The following ABHD18 variants were observed in gnomAD, a reference collection of about 807,000 sequenced individuals.
ABHD18 encodes the protein abhydrolase domain containing 18.
ABHD18 carries 55 observed loss-of-function variants against 65.9 expected under a neutral mutation model. That is an observed-to-expected ratio of 0.84 (90% confidence interval 0.67 to 1.05). ABHD18 has a LOEUF of 1.05. Ranked by LOEUF, ABHD18 falls within the 50% of genes least tolerant of loss-of-function variation. The probability of loss-of-function intolerance (pLI) is 0.00; values close to 1 mark genes in which losing one functional copy is unlikely to be tolerated. For missense variants in ABHD18, 533 were observed against 558.5 expected, an observed-to-expected ratio of 0.95 and a Z score of 0.46; for synonymous variants, 181 against 180.2, an observed-to-expected ratio of 1.00 and a Z score of -0.04.
intron 4 of ABHD18, among the ~76,000 whole-genome samples, chr4:127,990,474 G>C (rs1334136020): frequency 6.6e-6 from 1 of 152,136 alleles, no homozygotes; most frequent in Non-Finnish European, 1.5e-5. Context: ...TGAGGCAGGA[G>C]CATCTATTGA....
At chr4:128,012,725 C>T (rs780728347) in intron 7 of ABHD18, among the ~76,000 whole-genome samples, 8 of 151,752 alleles carry the variant, frequency 5.3e-5, no homozygotes, top group Non-Finnish European at 8.8e-5. Flanking sequence ...AAATGAAAAG[C>T]CCAATGTAAG....
At chr4:128,019,809 C>T (rs1238546399) in intron 8 of ABHD18, among the ~76,000 whole-genome samples, 1 of 152,166 alleles carries the variant, frequency 6.6e-6, no homozygotes, top group East Asian at 1.9e-4. Context: ...AGCATCTTTG[C>T]TCCATATTTA....
rs1758887119 is a variant in ABHD18 at position 128,036,451 on chromosome 4, G to A, written c.*638G>A. 1 of 152,128 alleles carries A rather than the reference G, an allele frequency of 6.6e-6. No homozygotes were observed. The highest frequency in any genetic ancestry group is 1.5e-5 in the Non-Finnish European group (1 of 68,058). The allele number at this position is 152,128 out of a possible 1,614,324, so 9.4% of individuals were successfully genotyped here. The stretch of plus-strand genomic sequence containing the variant: ...AGTGCTTTTAATAATCAAAGTGAGT[G>A]GCAGGGTGCGGTGGCTCACGCCTGT... On this transcript the variant is annotated 3_prime_UTR_variant, in exon 13 of 13. Transcript: ENST00000645843.
At chr4:128,007,026 T>C (rs533008213) in intron 4 of ABHD18, among the ~76,000 whole-genome samples, 1 of 152,284 alleles carries the variant, frequency 6.6e-6, no homozygotes, top group South Asian at 2.1e-4. Context: ...ATGCCTGTAA[T>C]CCCAGCTACT....
chr4:128,011,794 G>T, intron 7 of ABHD18, 94 bp downstream of exon 7: 3 of 465,398 alleles, frequency 6.4e-6, no homozygotes, highest in East Asian at 8.8e-5. Context: ...TTTCTAAATT[G>T]AATACCTAAA....
intron 2 of ABHD18, 26 bp from the exon 3 acceptor site, chr4:127,984,313 C>G: frequency 1.4e-6 from 2 of 1,437,212 alleles, no homozygotes; most frequent in Non-Finnish European, 1.9e-6. Flanking sequence ...TTAATTTTTT[C>G]CTTTTTGTCT....
intron 12 of ABHD18, 141 bp downstream of exon 12, chr4:128,030,813 CAG>C (rs1449757287): frequency 3.6e-6 from 5 of 1,387,838 alleles, no homozygotes; most frequent in Admixed American, 3.8e-5. Context: ...ACAAATCTCA[CAG>C]AGTTACTTTT....
Position 128,038,634 on chromosome 4 carries a change from TA to T in ABHD18, c.*2823del, listed in dbSNP as rs1449712862. On this transcript the variant is annotated 3_prime_UTR_variant, in exon 13 of 13. Transcript: ENST00000645843. Reference sequence around the variant, plus strand: ...GGCCGGGTGCAGTGGCTCACACCTGTAATCCCAGCACTTTGGGAGGCCGAGG... The same window carrying T: ...GGCCGGGTGCAGTGGCTCACACCTGTATCCCAGCACTTTGGGAGGCCGAGG... 6.6e-6 allele frequency: 1 copy of T among 152,190 alleles called. No individual in the cohort carries two copies. Among genetic ancestry groups the T allele is most frequent in the Non-Finnish European group, 1.5e-5 (1 of 68,044 alleles). 9.4% of individuals were successfully genotyped at this position (152,190 alleles called of 1,614,324 possible). A position where few individuals can be genotyped will look rare whatever the true frequency, so the allele number is the denominator to read the frequency against.
rs1030867632 is a variant in ABHD18 at position 128,024,967 on chromosome 4, C to A, written c.802-3508C>A. On this transcript the variant is annotated intron_variant, in intron 10 of 12. Coordinates refer to ENST00000645843, the MANE Select transcript of ABHD18 (RefSeq NM_001358451.3). ...TCGGCCTTCCAAAGTGCTGGTATTA[C>A]AGGCGTGAGCCACTGCGCCCGGCCA... Among the ~76,000 whole-genome samples, 7 of 152,242 alleles carry A rather than the reference C, an allele frequency of 4.6e-5. No homozygotes were observed. The South Asian group carries it at 1.0e-3, about 22-fold the overall frequency.
chr4:128,017,786 TG>T (rs1365606323), intron 8 of ABHD18, among the ~76,000 whole-genome samples: 4 of 152,238 alleles, frequency 2.6e-5, no homozygotes. Flanking sequence ...CCAATTTTGC[TG>T]TTACATTGGT....
In ABHD18 at chr4:127,968,085, T is replaced by G. The variant is rs1349319372; in HGVS notation, c.-18+2479T>G. 5.3e-5 allele frequency among the ~76,000 whole-genome samples: 8 copies of G among 152,296 alleles called. No individual in the cohort carries two copies. The East Asian group carries it at 9.7e-4, about 18-fold the overall frequency. ...GTAGCCGGGCGTGGTGACGGGCGCC[T>G]GTAGTCCCAGCTACTCGGAGAGGCT... On this transcript the variant is annotated intron_variant, in intron 1 of 12. Transcript: ENST00000645843.
At chr4:128,011,305 C>T (rs964865936) in intron 6 of ABHD18, among the ~76,000 whole-genome samples, 1 of 151,896 alleles carries the variant, frequency 6.6e-6, no homozygotes, top group African/African-American at 2.4e-5. Flanking sequence ...CCCGCCACCT[C>T]GCCCAGCTAA....
intron 10 of ABHD18, 82 bp from the exon 11 acceptor site, chr4:128,028,393 G>A: frequency 9.5e-7 from 1 of 1,056,672 alleles, no homozygotes; most frequent in East Asian, 2.8e-5. Flanking sequence ...ATGGACATTT[G>A]TCTTTTCTCT....
At chr4:128,010,116 A>T (rs1206272608) in intron 6 of ABHD18, among the ~76,000 whole-genome samples, 2 of 152,216 alleles carry the variant, frequency 1.3e-5, no homozygotes, top group Non-Finnish European at 2.9e-5. Context: ...TAGGTTATTG[A>T]GATTATTAAA....
intron 4 of ABHD18, among the ~76,000 whole-genome samples, chr4:127,990,533 G>A (rs1465905033): frequency 6.6e-6 from 1 of 152,058 alleles, no homozygotes; most frequent in East Asian, 1.9e-4. Context: ...CTGTACTCCA[G>A]CCTGGGCCAC....
intron 1 of ABHD18, among the ~76,000 whole-genome samples, chr4:127,966,765 G>A (rs1315736696): frequency 1.7e-5 from 2 of 120,280 alleles, no homozygotes; most frequent in Non-Finnish European, 3.3e-5. Flanking sequence ...GGCGCCTATA[G>A]TCCCAGCTAC....
intron 6 of ABHD18, 49 bp downstream of exon 6, chr4:128,009,240 A>G (rs1415427889): frequency 8.4e-7 from 1 of 1,197,602 alleles, no homozygotes; most frequent in African/African-American, 1.6e-5. Flanking sequence ...TTATTTATTG[A>G]TATATTTAGT....
chr4:127,988,289 G>T (rs1750333910), intron 3 of ABHD18, among the ~76,000 whole-genome samples: 1 of 152,154 alleles, frequency 6.6e-6, no homozygotes, highest in South Asian at 2.1e-4. Flanking sequence ...GCACTGCAGT[G>T]GTGTAATCAT....
At chr4:128,035,635 A>G in intron 12 of ABHD18, 127 bp from the exon 13 acceptor site, 2 of 574,078 alleles carry the variant, frequency 3.5e-6, no homozygotes, top group Non-Finnish European at 6.3e-6. Context: ...TGCCTATTTC[A>G]TAGCTATTTA....
Sources: gnomAD v4.1 joint callset for allele counts (sites outside exome capture counted in the v4.1 genomes callset) on GRCh38, gnomAD v4.1.1 for gene constraint, MANE v1.5 for transcripts, NCBI Gene and HGNC (gene_info 2026-07-23, HGNC 2026-07-21) for gene names.